ABLIM1: variants seen among roughly 807,000 people sequenced by gnomAD.
ABLIM1 encodes the protein actin binding LIM protein 1.
In ABLIM1, 40 loss-of-function variants were observed where a neutral mutation model predicts 107.0. The observed-to-expected ratio is 0.37, with a 90% CI of 0.29 to 0.49. ABLIM1 has a LOEUF of 0.49. ABLIM1 is among the 20% of genes least tolerant of loss of function. The probability of loss-of-function intolerance (pLI) is 0.97; values close to 1 mark genes in which losing one functional copy is unlikely to be tolerated. For missense variants in ABLIM1, 857 were observed against 1,008.5 expected (o/e 0.85, Z 2.04); for synonymous variants, 357 against 357.3 (o/e 1.00, Z 0.01).
intron 6 of ABLIM1, among the ~76,000 whole-genome samples, chr10:114,514,072 C>T (rs2062380248): frequency 6.6e-6 from 1 of 152,172 alleles, no homozygotes; most frequent in African/African-American, 2.4e-5. Context: ...CTGCTGCTCA[C>T]CTAAGACTCA....
intron 1 of ABLIM1, among the ~76,000 whole-genome samples, chr10:114,680,626 G>A (rs911382905): frequency 1.7e-4 from 26 of 152,176 alleles, no homozygotes; most frequent in African/African-American, 6.3e-4. Context: ...GCTCAGATCT[G>A]CCCCTTCTAA....
chr10:114,782,480 G>A, the ABLIM1 span, among the ~76,000 whole-genome samples: 3 of 152,174 alleles, frequency 2.0e-5, no homozygotes, highest in African/African-American at 7.2e-5. Flanking sequence ...GGGCAAGCCT[G>A]ACACGTTCAG....
At chr10:114,448,262 A>G (rs950660445) in intron 14 of ABLIM1, among the ~76,000 whole-genome samples, 4 of 152,222 alleles carry the variant, frequency 2.6e-5, no homozygotes, top group Non-Finnish European at 4.4e-5. Flanking sequence ...GAAAAACCCT[A>G]TTCTAGAGTG....
At chr10:114,785,074 G>A in the ABLIM1 span, among the ~76,000 whole-genome samples, 1 of 152,184 alleles carries the variant, frequency 6.6e-6, no homozygotes, top group Non-Finnish European at 1.5e-5. Context: ...AAAAGAAATA[G>A]CATATTGCCA....
chr10:114,450,090 G>A (rs2061612088), intron 14 of ABLIM1: 1 of 398,566 alleles, frequency 2.5e-6, no homozygotes, highest in Non-Finnish European at 5.1e-6. Flanking sequence ...CAAATGCTGA[G>A]AATTTTATTC....
intron 15 of ABLIM1, 71 bp downstream of exon 15, chr10:114,447,809 T>C (rs1043982766): frequency 3.2e-6 from 5 of 1,579,920 alleles, no homozygotes; most frequent in Admixed American, 1.8e-5. Context: ...TTTTCTTTCA[T>C]GTTTTTAAGC....
chr10:114,728,779 G>C (rs565215330), intron 1 of ABLIM1, among the ~76,000 whole-genome samples: 1 of 152,106 alleles, frequency 6.6e-6, no homozygotes, highest in East Asian at 1.9e-4. Context: ...GATCTGGGAG[G>C]GGCCTGTAGG....
rs779051308 is a variant in ABLIM1, at chr10:114,575,586, G to A, written c.393C>T (p.Asp131=). Residue 131 remains aspartate (D), a synonymous_variant, in exon 3 of 23, where the codon GAC becomes GAT. Coordinates refer to ENST00000533213, the MANE Select transcript of ABLIM1 (RefSeq NM_002313.7). The part of the protein sequence containing the change: ...KCFTCKVCGC[D]LAQGGFFIKN... ...TTATGAAGAAGCCCCCTTGTGCCAGGTCACAGCCACACACTGTAGAGAGAC... is the reference window on the plus strand; with the variant it reads ...TTATGAAGAAGCCCCCTTGTGCCAGATCACAGCCACACACTGTAGAGAGAC... 1 of 1,613,672 alleles carries A rather than the reference G, an allele frequency of 6.2e-7. No homozygotes were observed. Among genetic ancestry groups the A allele is most frequent in the Admixed American group, 1.7e-5 (1 of 59,998 alleles).
At chr10:114,616,880 A>G (rs943304821) in intron 1 of ABLIM1, among the ~76,000 whole-genome samples, 1 of 152,240 alleles carries the variant, frequency 6.6e-6, no homozygotes, top group Non-Finnish European at 1.5e-5. Flanking sequence ...TTTCAAAATT[A>G]CCCTATTAAT....
upstream of ABLIM1, among the ~76,000 whole-genome samples, chr10:114,658,706 C>T (rs2079643797): frequency 1.3e-5 from 2 of 152,176 alleles, no homozygotes; most frequent in Non-Finnish European, 2.9e-5. Context: ...AGATCCTCAG[C>T]TTCAATTCGT....
At position 114,451,616 on chromosome 10, in the gene ABLIM1, G is replaced by C. The variant is rs1261750385; in HGVS notation, c.1594+8C>G. ...TTTAAAAGCTACGCGGAGGAAAGCG[G>C]GTTTTACCATGCTGTTTGTAGATGG... is the stretch of plus-strand genomic sequence containing the variant. On this transcript the variant is annotated splice_region_variant and intron_variant, in intron 14 of 22. Coordinates refer to ENST00000533213, the MANE Select transcript of ABLIM1 (RefSeq NM_002313.7). 2 of 1,611,564 alleles carry C rather than the reference G, an allele frequency of 1.2e-6. No homozygotes were observed. Among genetic ancestry groups the C allele is most frequent in the Admixed American group, 3.3e-5 (2 of 59,992 alleles).
chr10:114,754,590 A>G (rs940052718), intron 1 of ABLIM1, among the ~76,000 whole-genome samples: 1 of 152,218 alleles, frequency 6.6e-6, no homozygotes, highest in East Asian at 1.9e-4. Flanking sequence ...TTTATTAGCA[A>G]TGAATCAGGG....
At chr10:114,650,691 A>C (rs1200431113) in intron 1 of ABLIM1, among the ~76,000 whole-genome samples, 1 of 152,106 alleles carries the variant, frequency 6.6e-6, no homozygotes, top group African/African-American at 2.4e-5. Context: ...TCATTGGGCT[A>C]TTTTCCTTTT....
At chr10:114,695,789 T>G (rs1345368534) in intron 1 of ABLIM1, among the ~76,000 whole-genome samples, 1 of 152,222 alleles carries the variant, frequency 6.6e-6, no homozygotes, top group South Asian at 2.1e-4. Flanking sequence ...AAAGAAGGAT[T>G]TCCATGTATG....
chr10:114,581,369 C>G (rs2073354216), intron 2 of ABLIM1, among the ~76,000 whole-genome samples: 1 of 152,118 alleles, frequency 6.6e-6, no homozygotes, highest in Non-Finnish European at 1.5e-5. Flanking sequence ...ATTTTATGTT[C>G]CAACAAATTC....
intron 1 of ABLIM1, among the ~76,000 whole-genome samples, chr10:114,706,188 C>T (rs2081417032): frequency 6.6e-6 from 1 of 152,202 alleles, no homozygotes; most frequent in Admixed American, 6.5e-5. Flanking sequence ...GAAGGGAAAA[C>T]TACATACAAA....
chr10:114,468,875 C>T (rs1223605675), intron 10 of ABLIM1, among the ~76,000 whole-genome samples: 1 of 151,724 alleles, frequency 6.6e-6, no homozygotes, highest in Non-Finnish European at 1.5e-5. Context: ...CATGGTGAAA[C>T]CCCGTCTCTA....
upstream of ABLIM1, among the ~76,000 whole-genome samples, chr10:114,660,347 A>G (rs1167840274): frequency 6.6e-6 from 1 of 152,194 alleles, no homozygotes; most frequent in African/African-American, 2.4e-5. Context: ...GGTGCAGTGT[A>G]CACTGCTAGG....
At chr10:114,436,642 T>A (rs1191292043) in intron 22 of ABLIM1, among the ~76,000 whole-genome samples, 1 of 152,152 alleles carries the variant, frequency 6.6e-6, no homozygotes, top group Admixed American at 6.5e-5. Flanking sequence ...AGAGAGGTGA[T>A]TTATTACATT....
Sources: allele counts gnomAD v4.1 joint callset (sites outside exome capture counted in the v4.1 genomes callset), GRCh38; gene constraint gnomAD v4.1.1; transcripts MANE v1.5; gene names NCBI Gene and HGNC (gene_info 2026-07-23, HGNC 2026-07-21).